ARFGEF3: variants seen among roughly 807,000 people sequenced by gnomAD.
ARFGEF3 encodes brefeldin A-inhibited guanine nucleotide-exchange protein 3.
In ARFGEF3, 96 loss-of-function variants were observed where a neutral mutation model predicts 221.7. That is an observed-to-expected ratio of 0.43 (90% CI 0.37 to 0.51). ARFGEF3 has a LOEUF of 0.51. Among genes scored for constraint, ARFGEF3 ranks in the 20% least tolerant of loss-of-function variants. The probability of loss-of-function intolerance (pLI) is 0.00; values close to 1 mark genes in which losing one functional copy is unlikely to be tolerated. For missense variants in ARFGEF3, 2,410 were observed against 2,789.9 expected (o/e 0.86, Z 3.07); for synonymous variants, 1,145 against 1,126.8 (o/e 1.02, Z -0.32).
At chr6:138,282,901 A>T (rs1487788899) in intron 14 of ARFGEF3, among the ~76,000 whole-genome samples, 1 of 152,144 alleles carries the variant, frequency 6.6e-6, no homozygotes, top group African/African-American at 2.4e-5. Flanking sequence ...AAATACAAAA[A>T]TTAGCTGAGC....
intron 2 of ARFGEF3, among the ~76,000 whole-genome samples, chr6:138,199,178 C>G (rs1777487944): frequency 6.6e-6 from 1 of 152,182 alleles, no homozygotes; most frequent in Admixed American, 6.5e-5. Flanking sequence ...CTCTTAGTTT[C>G]AGTTTGGTTG....
rs1776802869 is a variant in ARFGEF3, at chr6:138,170,262, G to A, written c.86-400G>A. On this transcript the variant is annotated intron_variant, in intron 1 of 33. Transcript: ENST00000251691. ...TGTTGTGTAAGTGCTTTGTGAACTT[G>A]AAAGTCTTTCACAAGTATGAATTAT... 2.0e-5 allele frequency among the ~76,000 whole-genome samples: 3 copies of A among 152,184 alleles called. No individual in the cohort carries two copies. In the South Asian group the frequency reaches 6.2e-4, roughly 32 times the overall value.
At chr6:138,172,023 A>C (rs1776845642) in intron 2 of ARFGEF3, among the ~76,000 whole-genome samples, 1 of 152,160 alleles carries the variant, frequency 6.6e-6, no homozygotes, top group Non-Finnish European at 1.5e-5. Context: ...TTTTAAGTAG[A>C]TTGAACAAAA....
intron 22 of ARFGEF3, among the ~76,000 whole-genome samples, chr6:138,304,545 C>G (rs1392735524): frequency 6.6e-6 from 1 of 152,116 alleles, no homozygotes; most frequent in Non-Finnish European, 1.5e-5. Context: ...TAAAGCAGCG[C>G]TTAAAATTCT....
At chr6:138,181,945 C>G (rs1777085896) in intron 2 of ARFGEF3, among the ~76,000 whole-genome samples, 1 of 152,222 alleles carries the variant, frequency 6.6e-6, no homozygotes, top group African/African-American at 2.4e-5. Flanking sequence ...CCGAGCTCAT[C>G]AATTTAGTGA....
At chr6:138,213,141 A>G (rs190010893) in intron 4 of ARFGEF3, among the ~76,000 whole-genome samples, 28 of 152,144 alleles carry the variant, frequency 1.8e-4, no homozygotes, top group African/African-American at 6.5e-4. Flanking sequence ...ACAAAAAATT[A>G]GCCGGGCATG....
intron 4 of ARFGEF3, chr6:138,218,020 A>C (rs1274756699): frequency 6.2e-7 from 1 of 1,612,516 alleles, no homozygotes; most frequent in African/African-American, 1.3e-5. Context: ...GTTTTGGATA[A>C]GTAGAGAAGA....
At chr6:138,210,280 G>A (rs1777699976) in intron 4 of ARFGEF3, among the ~76,000 whole-genome samples, 1 of 152,196 alleles carries the variant, frequency 6.6e-6, no homozygotes, top group Admixed American at 6.5e-5. Context: ...AAGGCCATTA[G>A]AAAGTGTATT....
At chr6:138,242,514 C>G (rs936631086) in intron 6 of ARFGEF3, among the ~76,000 whole-genome samples, 3 of 152,072 alleles carry the variant, frequency 2.0e-5, no homozygotes, top group African/African-American at 7.2e-5. Flanking sequence ...TTCTTATGGC[C>G]AAGAGTCTGT....
chr6:138,242,980 AT>A lies in ARFGEF3; in HGVS notation c.575del (p.Phe192SerfsTer8). On this transcript the variant is annotated frameshift_variant, in exon 7 of 34. Transcript: ENST00000251691. LOFTEE classifies it high-confidence loss of function. ...ATTGAAAACCCAGATGTCCCACAGG[AT>A]TTCGGGAATCAAGGTATGGCATTTG... ...TIIENPDVPQ[D>X]FGNQGSTVES... 6.2e-7 allele frequency: 1 copy of A among 1,612,208 alleles called. No individual in the cohort carries two copies. Among genetic ancestry groups the A allele is most frequent in the Non-Finnish European group, 8.5e-7 (1 of 1,178,850 alleles).
Position 138,340,356 on chromosome 6 carries a change from T to A in ARFGEF3, c.*3870T>A, listed in dbSNP as rs1005711796. ...CCTTGTTGTTTTAAAATGAGGCTTATACAGAGTGAGTTGAGAGTCAAGTAG... is the reference window on the plus strand; with the variant it reads ...CCTTGTTGTTTTAAAATGAGGCTTAAACAGAGTGAGTTGAGAGTCAAGTAG... On this transcript the variant is annotated 3_prime_UTR_variant, in exon 34 of 34. Transcript: ENST00000251691. 1 of 152,256 alleles carries A rather than the reference T, an allele frequency of 6.6e-6. No individual in the cohort carries two copies. Among genetic ancestry groups the A allele is most frequent in the Non-Finnish European group, 1.5e-5 (1 of 68,044 alleles). 9.4% of individuals were successfully genotyped at this position (152,256 alleles called of 1,614,324 possible).
intron 2 of ARFGEF3, among the ~76,000 whole-genome samples, chr6:138,190,698 A>G (rs1267238608): frequency 1.3e-5 from 2 of 152,190 alleles, no homozygotes; most frequent in African/African-American, 2.4e-5. Flanking sequence ...GAACAGGAAC[A>G]GTTCTCAGTG....
At position 138,287,197 on chromosome 6, in the gene ARFGEF3, G is replaced by C; in HGVS notation, c.2896+13G>C. 7 of 1,551,156 alleles carry C rather than the reference G, an allele frequency of 4.5e-6. No individual in the cohort carries two copies. The highest frequency in any genetic ancestry group is 6.1e-6 in the Non-Finnish European group (7 of 1,145,470). On this transcript the variant is annotated intron_variant, in intron 17 of 33. Transcript: ENST00000251691. ...GCCATCACACAAGGTAACAACTGGA[G>C]GGCCAGAACCCACCTGGTGCCTTGG... is the stretch of plus-strand genomic sequence containing the variant.
intron 4 of ARFGEF3, among the ~76,000 whole-genome samples, chr6:138,224,263 A>G (rs1343642880): frequency 1.3e-5 from 2 of 152,222 alleles, no homozygotes; most frequent in East Asian, 3.8e-4. Flanking sequence ...AATATCAGAA[A>G]TGTCTCATGG....
intron 32 of ARFGEF3, among the ~76,000 whole-genome samples, chr6:138,331,135 G>A (rs533234145): frequency 2.6e-5 from 4 of 152,222 alleles, no homozygotes; most frequent in Admixed American, 6.5e-5. Context: ...ACATAGAACA[G>A]CCTAATGTCC....
Position 138,336,278 on chromosome 6 carries a change from TAA to T in ARFGEF3, c.6343-15_6343-14del, listed in dbSNP as rs1159508981. On this transcript the variant is annotated splice_polypyrimidine_tract_variant and intron_variant, in intron 33 of 33. Transcript: ENST00000251691. Reference sequence around the variant, plus strand: ...CAGGGGGGAAAGCCACTGATTTTCTTAAATCTTTTCTCTTAGGCATGGACCAA... The same window carrying T: ...CAGGGGGGAAAGCCACTGATTTTCTTATCTTTTCTCTTAGGCATGGACCAA... 1.3e-6 allele frequency: 2 copies of T among 1,489,570 alleles called. No individual in the cohort carries two copies. The highest frequency in any genetic ancestry group is 2.8e-5 in the African/African-American group (2 of 70,522). The allele number at this position is 1,489,570 out of a possible 1,614,324, so 92.3% of individuals were successfully genotyped here. A position where few individuals can be genotyped will look rare whatever the true frequency, so the allele number is the denominator to read the frequency against.
intron 2 of ARFGEF3, among the ~76,000 whole-genome samples, chr6:138,173,738 A>G (rs1265835122): frequency 6.6e-6 from 1 of 152,084 alleles, no homozygotes. Flanking sequence ...CTTTTGCTTT[A>G]CCCCAGAGCC....
intron 31 of ARFGEF3, among the ~76,000 whole-genome samples, chr6:138,326,833 T>C (rs1404074659): frequency 2.6e-5 from 4 of 152,158 alleles, no homozygotes; most frequent in African/African-American, 9.7e-5. Flanking sequence ...CAGAACTATT[T>C]ACAATAACAA....
At chr6:138,266,225 A>G (rs1778889202) in intron 12 of ARFGEF3, among the ~76,000 whole-genome samples, 1 of 151,818 alleles carries the variant, frequency 6.6e-6, no homozygotes, top group Admixed American at 6.6e-5. Context: ...AAAGAGAAAG[A>G]GAGAAAGAGA....
Sources: allele counts gnomAD v4.1 joint callset (sites outside exome capture counted in the v4.1 genomes callset), GRCh38; gene constraint gnomAD v4.1.1; transcripts MANE v1.5; gene names NCBI Gene and HGNC (gene_info 2026-07-23, HGNC 2026-07-21).